Variants in OSBPL5 observed in about 807,000 individuals in gnomAD.
OSBPL5 encodes oxysterol-binding protein-related protein 5.
Under a neutral mutation model 111.2 loss-of-function variants are expected in OSBPL5, and 71 were observed. The ratio of observed to expected loss-of-function variants is 0.64; its 90% CI spans 0.53 to 0.78. The LOEUF is 0.78. Among genes scored for constraint, OSBPL5 ranks in the 30% least tolerant of loss-of-function variants. The pLI is 0.00. For missense variants in OSBPL5, 1,210 were observed against 1,189.3 expected (o/e 1.02, Z -0.26); for synonymous variants, 549 against 513.9 (o/e 1.07, Z -0.93).
intron 1 of OSBPL5, among the ~76,000 whole-genome samples, chr11:3,136,542 C>T (rs919443152): frequency 6.6e-6 from 1 of 152,212 alleles, no homozygotes; most frequent in Non-Finnish European, 1.5e-5. Flanking sequence ...GCCTGGGGAC[C>T]GCAGAGCTGG....
intron 1 of OSBPL5, among the ~76,000 whole-genome samples, chr11:3,133,448 C>A (rs1018449016): frequency 6.6e-6 from 1 of 152,242 alleles, no homozygotes; most frequent in Non-Finnish European, 1.5e-5. Context: ...CCCCGGGCCA[C>A]GCTCCGGCCA....
chr11:3,121,704 G>C lies in OSBPL5; in HGVS notation c.402+293C>G. ...CCCTCCCCAGCGCCCTCCGCCCACTGGCCAGGCCCCACCTTATTCGGAAAT... is the reference window on the plus strand; with the variant it reads ...CCCTCCCCAGCGCCCTCCGCCCACTCGCCAGGCCCCACCTTATTCGGAAAT... On this transcript the variant is annotated intron_variant, in intron 5 of 21. Coordinates refer to ENST00000263650, the MANE Select transcript of OSBPL5 (RefSeq NM_020896.4). This position sits in a 1 kb window ranked among gnomAD's most constrained non-coding sequence, Gnocchi z 4.3. 2.3e-6 allele frequency: 1 copy of C among 439,702 alleles called. No homozygotes were observed. The highest frequency in any genetic ancestry group is 4.1e-6 in the Non-Finnish European group (1 of 241,910). The allele number at this position is 439,702 out of a possible 1,614,324, so 27.2% of individuals were successfully genotyped here.
chr11:3,136,132 G>A (rs977351441), intron 1 of OSBPL5, among the ~76,000 whole-genome samples: 1 of 152,170 alleles, frequency 6.6e-6, no homozygotes, highest in Non-Finnish European at 1.5e-5. Context: ...GGACACCTGG[G>A]GAGGGGCCAT....
At chr11:3,131,720 A>ATCCATCCATCCC (rs1845795370) in intron 1 of OSBPL5, among the ~76,000 whole-genome samples, 1 of 141,912 alleles carries the variant, frequency 7.0e-6, no homozygotes, top group African/African-American at 2.7e-5. Context: ...CCATCCATCC[A>ATCCATCCATCCC]TCCATCCATC....
At position 3,092,821 on chromosome 11, in the gene OSBPL5, A is replaced by C; in HGVS notation, c.2132+46T>G. On this transcript the variant is annotated intron_variant, in intron 18 of 21. Transcript: ENST00000263650. This position sits in a 1 kb window ranked among gnomAD's most constrained non-coding sequence, Gnocchi z 5.4. The stretch of plus-strand genomic sequence containing the variant: ...CTGGGCCCTTCTCAGCCCGTCTGCT[A>C]GGCCCAGCCCCACCCTGTGGCCCCC... 6.8e-7 allele frequency: 1 copy of C among 1,480,958 alleles called. No homozygotes were observed. Among genetic ancestry groups the C allele is most frequent in the Non-Finnish European group, 9.0e-7 (1 of 1,107,344 alleles). The allele number at this position is 1,480,958 out of a possible 1,614,324, so 91.7% of individuals were successfully genotyped here.
At position 3,151,877 on chromosome 11, in the gene OSBPL5, C is replaced by T. The variant is rs1846603580; in HGVS notation, c.-22+13339G>A. ...TTGCAGCCCCGACAGCTGCCTGTTC[C>T]TCCGGCTGCTCCTGGAGAGGGGCCC... is the stretch of plus-strand genomic sequence containing the variant. On this transcript the variant is annotated intron_variant, in intron 1 of 21. Coordinates refer to ENST00000263650, the MANE Select transcript of OSBPL5 (RefSeq NM_020896.4). Among the ~76,000 whole-genome samples, 3 of 152,376 alleles carry T rather than the reference C, an allele frequency of 2.0e-5. No homozygotes were observed. The South Asian group carries it at 6.2e-4, about 32-fold the overall frequency.
intron 7 of OSBPL5, among the ~76,000 whole-genome samples, chr11:3,112,075 A>ATGTGTGTGTGTGCATG (rs137958534): frequency 1.5e-5 from 2 of 137,098 alleles, no homozygotes; most frequent in Admixed American, 1.4e-4. Context: ...GTGTGTGTGC[A>ATGTGTGTGTGTGCATG]TGTGTGTGTG....
At chr11:3,129,947 C>CCTTT (rs1383848819) in intron 1 of OSBPL5, among the ~76,000 whole-genome samples, 1 of 152,244 alleles carries the variant, frequency 6.6e-6, no homozygotes. Flanking sequence ...GGCAGACCTG[C>CCTTT]CTTTCCCCTG....
rs1317381865 is a variant in OSBPL5 at position 3,092,365 on chromosome 11, G to A, written c.2259+67C>T. The stretch of plus-strand genomic sequence containing the variant: ...GGGGAAGGGAGGAGTGAGGTGAGGA[G>A]CGAGGGGTGGTGGTGGCCACACGTG... On this transcript the variant is annotated intron_variant, in intron 19 of 21. Transcript: ENST00000263650. The surrounding 1 kb of genome is among the most constrained non-coding windows in gnomAD (Gnocchi z 5.4). 1 of 1,490,118 alleles carries A rather than the reference G, an allele frequency of 6.7e-7. No homozygotes were observed. Among genetic ancestry groups the A allele is most frequent in the Admixed American group, 2.2e-5 (1 of 46,072 alleles). 92.3% of individuals were successfully genotyped at this position (1,490,118 alleles called of 1,614,324 possible).
At chr11:3,131,061 G>A (rs1858806786) in intron 1 of OSBPL5, among the ~76,000 whole-genome samples, 1 of 152,038 alleles carries the variant, frequency 6.6e-6, no homozygotes, top group South Asian at 2.1e-4. Context: ...TCCCTCACTT[G>A]GAACCTCCTG....
intron 21 of OSBPL5, among the ~76,000 whole-genome samples, chr11:3,089,569 G>A (rs1407512603): frequency 6.6e-6 from 1 of 152,188 alleles, no homozygotes; most frequent in East Asian, 1.9e-4. Context: ...TGCTGGGCTG[G>A]CACCTTCCTC....
Position 3,144,845 on chromosome 11 carries a change from A to AC in OSBPL5, c.-21-15677dup, listed in dbSNP as rs372759019. Among the ~76,000 whole-genome samples the AC allele has an allele frequency of 5.9e-5, 9 of 151,956 alleles. 1 individual carries two copies. Among genetic ancestry groups the AC allele is most frequent in the South Asian group, 2.1e-4 (1 of 4,810 alleles). On this transcript the variant is annotated intron_variant, in intron 1 of 21. Coordinates refer to ENST00000263650, the MANE Select transcript of OSBPL5 (RefSeq NM_020896.4). ...TCATTCCCCAGGACCTGCGAGAGCC[A>AC]CCCCCCGGCACCCGGATCCTCCAGG...
At chr11:3,114,886 G>C (rs1391305164) in intron 7 of OSBPL5, among the ~76,000 whole-genome samples, 1 of 152,060 alleles carries the variant, frequency 6.6e-6, no homozygotes, top group Non-Finnish European at 1.5e-5. Flanking sequence ...ACAGGCATGA[G>C]CCACCGCACC....
intron 13 of OSBPL5, among the ~76,000 whole-genome samples, chr11:3,100,971 C>CTTTTTT (rs1196891233): frequency 1.5e-4 from 19 of 123,420 alleles, no homozygotes; most frequent in South Asian, 2.6e-4. Flanking sequence ...AGTTTCATTT[C>CTTTTTT]TTTTTTTTTT....
intron 14 of OSBPL5, among the ~76,000 whole-genome samples, chr11:3,097,021 G>GA (rs1564824559): frequency 9.6e-5 from 1 of 10,380 alleles, no homozygotes; most frequent in Non-Finnish European, 2.0e-4. Context: ...AAGACGGGAG[G>GA]GGGAGGAGAG....
chr11:3,092,857 C>T lies in OSBPL5; in HGVS notation c.2132+10G>A, dbSNP rs367551543. 51 of 1,519,784 alleles carry T rather than the reference C, an allele frequency of 3.4e-5. No individual in the cohort carries two copies. The highest frequency in any genetic ancestry group is 1.1e-4 in the African/African-American group (8 of 72,742). 94.1% of individuals were successfully genotyped at this position (1,519,784 alleles called of 1,614,324 possible). On this transcript the variant is annotated intron_variant, in intron 18 of 21. Coordinates refer to ENST00000263650, the MANE Select transcript of OSBPL5 (RefSeq NM_020896.4). The surrounding 1 kb of genome is among the most constrained non-coding windows in gnomAD (Gnocchi z 5.4). ...CACCCTGTGGCCCCCAGGGCTTTGT[C>T]GGCACTCACTCCTCGTATCGGTAGT... is the stretch of plus-strand genomic sequence containing the variant.
At position 3,106,510 on chromosome 11, in the gene OSBPL5, G is replaced by T. The variant is rs1016834310; in HGVS notation, c.1059+753C>A. On this transcript the variant is annotated intron_variant, in intron 9 of 21. Coordinates refer to ENST00000263650, the MANE Select transcript of OSBPL5 (RefSeq NM_020896.4). The surrounding 1 kb of genome is among the most constrained non-coding windows in gnomAD (Gnocchi z 8.4). ...CCTTCCGGACTCCCCTTCCTGAGGC[G>T]CCCCACGGTGCCCAGGGCCACGTGA... 6.6e-6 allele frequency among the ~76,000 whole-genome samples: 1 copy of T among 151,926 alleles called. No homozygotes were observed. The highest frequency in any genetic ancestry group is 6.5e-5 in the Admixed American group (1 of 15,268).
At chr11:3,131,591 T>TCATC (rs149476927) in intron 1 of OSBPL5, among the ~76,000 whole-genome samples, 104,988 of 126,568 alleles carry the variant, frequency 0.83, 43,302 homozygotes, top group African/African-American at 0.86. Context: ...ATCCACCCAT[T>TCATC]CATCCATCCA....
At chr11:3,137,565 C>T (rs910210335) in intron 1 of OSBPL5, among the ~76,000 whole-genome samples, 1 of 152,220 alleles carries the variant, frequency 6.6e-6, no homozygotes, top group African/African-American at 2.4e-5. Flanking sequence ...GTAATCCCAA[C>T]ACTTTGGGAG....
Sources: gnomAD v4.1 joint callset for allele counts (sites outside exome capture counted in the v4.1 genomes callset) on GRCh38, gnomAD v4.1.1 for gene constraint, Gnocchi (gnomAD v3.1) non-coding constraint, MANE v1.5 for transcripts, NCBI Gene and HGNC (gene_info 2026-07-23, HGNC 2026-07-21) for gene names.